SATB2: variants seen among roughly 807,000 people sequenced by gnomAD.
SATB2 encodes the protein DNA-binding protein SATB2.
In SATB2, 1 loss-of-function variant was observed where a neutral mutation model predicts 73.4. The ratio of observed to expected loss-of-function variants is 0.01; its 90% confidence interval spans 0.00 to 0.06. The LOEUF (loss-of-function observed/expected upper bound fraction) is 0.06. Ranked by LOEUF, SATB2 falls within the 10% of genes least tolerant of loss-of-function variation. The pLI, the probability that SATB2 is intolerant of heterozygous loss-of-function variation, is 1.00. For missense variants in SATB2, 459 were observed against 945.8 expected (o/e 0.49, Z 6.75); for synonymous variants, 397 against 367.0 (o/e 1.08, Z -0.93).
chr2:199,349,252 T>C (rs1237559658), intron 6 of SATB2, 79 bp from the exon 7 acceptor site: 7 of 1,126,876 alleles, frequency 6.2e-6, no homozygotes, highest in Middle Eastern at 2.2e-4. Context: ...AACTGAATTA[T>C]CATACTTTTG....
Position 199,299,881 on chromosome 2 carries a change from T to A in SATB2, c.1740+8879A>T, listed in dbSNP as rs573470633. ...GGAATGTGGTTTGCCCTCTCACAGA[T>A]GAAATGTGACAAGGCACTTGACTAG... On this transcript the variant is annotated intron_variant, in intron 10 of 10. Transcript: ENST00000417098. Among the ~76,000 whole-genome samples, 7 of 152,262 alleles carry A rather than the reference T, an allele frequency of 4.6e-5. No homozygotes were observed. In the South Asian group the frequency reaches 1.2e-3, roughly 27 times the overall value.
intron 9 of SATB2, among the ~76,000 whole-genome samples, chr2:199,321,540 A>ATG (rs1393924747): frequency 6.7e-6 from 1 of 148,934 alleles, no homozygotes; most frequent in African/African-American, 2.6e-5. Context: ...ATATACATAT[A>ATG]TGTGTATATA....
intron 3 of SATB2, among the ~76,000 whole-genome samples, chr2:199,403,083 TA>T (rs553605966): frequency 7.8e-4 from 119 of 152,358 alleles, no homozygotes; most frequent in African/African-American, 2.8e-3. Context: ...TGCAGACTTT[TA>T]AAATTATTGT....
rs544583524 is a variant in SATB2, at chr2:199,416,811, C to T, written c.346+16527G>A. ...CAGCACTTTGGGAGGCTGAAGCAGGCGGATCATGAGGTCAGGAGATCGAGA... is the reference window on the plus strand; with the variant it reads ...CAGCACTTTGGGAGGCTGAAGCAGGTGGATCATGAGGTCAGGAGATCGAGA... On this transcript the variant is annotated intron_variant, in intron 3 of 10. Transcript: ENST00000417098. Among the ~76,000 whole-genome samples the T allele has an allele frequency of 1.2e-3, 179 of 152,136 alleles. 1 individual carries two copies. Among genetic ancestry groups the T allele is most frequent in the Non-Finnish European group, 2.2e-3 (152 of 67,982 alleles).
chr2:199,309,943 G>A (rs897380171), intron 9 of SATB2, among the ~76,000 whole-genome samples: 1 of 152,016 alleles, frequency 6.6e-6, no homozygotes, highest in South Asian at 2.1e-4. Context: ...TTCCTGACAC[G>A]CATTATAAAA....
chr2:199,438,459 T>C (rs1206145915), intron 2 of SATB2, among the ~76,000 whole-genome samples: 1 of 152,218 alleles, frequency 6.6e-6, no homozygotes, highest in African/African-American at 2.4e-5. Context: ...ATCCAACGTG[T>C]TACCTTCTCT....
intron 3 of SATB2, among the ~76,000 whole-genome samples, chr2:199,408,452 C>G (rs1574599644): frequency 6.6e-6 from 1 of 152,038 alleles, no homozygotes; most frequent in Non-Finnish European, 1.5e-5. Context: ...CAAACTAATG[C>G]ATTTATAGAA....
chr2:199,332,498 C>T (rs991967314), intron 7 of SATB2, among the ~76,000 whole-genome samples: 5 of 152,010 alleles, frequency 3.3e-5, no homozygotes, highest in Admixed American at 2.0e-4. Context: ...ATTCAAAGTA[C>T]GAAATGAGCA....
chr2:199,420,742 G>A (rs1691139801), intron 3 of SATB2, among the ~76,000 whole-genome samples: 2 of 152,158 alleles, frequency 1.3e-5, no homozygotes, highest in Admixed American at 6.5e-5. Flanking sequence ...GTGCAAATGG[G>A]TGCATTTTAA....
intron 5 of SATB2, among the ~76,000 whole-genome samples, chr2:199,377,402 A>AC (rs747641918): frequency 1.3e-5 from 2 of 151,990 alleles, no homozygotes; most frequent in African/African-American, 2.4e-5. Flanking sequence ...AAACAAACAA[A>AC]AAACAACAAA....
upstream of SATB2, chr2:199,458,890 C>A (rs1012268266): frequency 9.8e-6 from 3 of 307,600 alleles, no homozygotes; most frequent in African/African-American, 7.1e-5. Flanking sequence ...CAGGGAAGGC[C>A]GCTTCTCCTT....
At chr2:199,283,501 C>T (rs1224006416) in intron 10 of SATB2, among the ~76,000 whole-genome samples, 1 of 148,212 alleles carries the variant, frequency 6.7e-6, no homozygotes, top group Non-Finnish European at 1.5e-5. Context: ...GCCAGCATTT[C>T]CCACCAGTGC....
At chr2:199,371,112 T>C (rs1019521396) in intron 5 of SATB2, among the ~76,000 whole-genome samples, 12 of 152,192 alleles carry the variant, frequency 7.9e-5, no homozygotes, top group African/African-American at 2.4e-4. Context: ...AGAATTGTTA[T>C]AGTCCATCCT....
At chr2:199,452,434 A>C (rs942995346) in intron 2 of SATB2, among the ~76,000 whole-genome samples, 1 of 152,166 alleles carries the variant, frequency 6.6e-6, no homozygotes, top group Non-Finnish European at 1.5e-5. Context: ...TGCATGGCTG[A>C]AGCATTCCAT....
intron 3 of SATB2, among the ~76,000 whole-genome samples, chr2:199,430,911 T>C (rs1021222961): frequency 1.3e-5 from 2 of 152,188 alleles, no homozygotes; most frequent in African/African-American, 4.8e-5. Context: ...AAATCATATT[T>C]CAAGAGTCTT....
At chr2:199,450,449 AC>A (rs1390432441) in intron 2 of SATB2, among the ~76,000 whole-genome samples, 1 of 152,150 alleles carries the variant, frequency 6.6e-6, no homozygotes, top group Non-Finnish European at 1.5e-5. Flanking sequence ...TTAAAAGCCT[AC>A]TGATTAAACA....
rs1692140415 is a variant in SATB2, at chr2:199,271,082, GA to G, written c.*1128del. The G allele has an allele frequency of 6.6e-6, 1 of 152,414 alleles. No homozygotes were observed. The highest frequency in any genetic ancestry group is 1.5e-5 in the Non-Finnish European group (1 of 68,014). 9.4% of individuals were successfully genotyped at this position (152,414 alleles called of 1,614,324 possible). On this transcript the variant is annotated 3_prime_UTR_variant, in exon 11 of 11. Transcript: ENST00000417098. Reference sequence around the variant, plus strand: ...TTCTTTTCTAACTTAATATTACACTGAACTATTTTCTAGTAAAAAACAAAAA... The same window carrying G: ...TTCTTTTCTAACTTAATATTACACTGACTATTTTCTAGTAAAAAACAAAAA...
At chr2:199,398,418 G>A (rs532624947) in intron 3 of SATB2, among the ~76,000 whole-genome samples, 24 of 152,270 alleles carry the variant, frequency 1.6e-4, no homozygotes, top group Non-Finnish European at 2.9e-4. Flanking sequence ...AGATGCACAC[G>A]TTAATAAACT....
At chr2:199,456,639 A>G (rs1481698173) in intron 1 of SATB2, among the ~76,000 whole-genome samples, 1 of 152,176 alleles carries the variant, frequency 6.6e-6, no homozygotes, top group Non-Finnish European at 1.5e-5. Context: ...GCAAGTCCTG[A>G]GATAAGCACA....
Sources: allele counts gnomAD v4.1 joint callset (sites outside exome capture counted in the v4.1 genomes callset), GRCh38; gene constraint gnomAD v4.1.1; transcripts MANE v1.5; gene names NCBI Gene and HGNC (gene_info 2026-07-23, HGNC 2026-07-21).